PREX1: variants seen among roughly 807,000 people sequenced by gnomAD.
PREX1 encodes the protein phosphatidylinositol-3,4,5-trisphosphate dependent Rac exchange factor 1.
A neutral mutation model predicts 198.3 loss-of-function variants in PREX1; 41 were observed. The ratio of observed to expected loss-of-function variants is 0.21; its 90% confidence interval spans 0.16 to 0.27. PREX1 has a LOEUF of 0.27. PREX1 is among the 10% of genes least tolerant of loss of function. The probability of loss-of-function intolerance (pLI) is 1.00; values close to 1 mark genes in which losing one functional copy is unlikely to be tolerated. For synonymous variants in PREX1, 843 were observed against 887.2 expected (o/e 0.95, Z 0.89); for missense variants, 1,620 against 2,200.7 (o/e 0.74, Z 5.28).
At chr20:48,876,768 A>G in the PREX1 span, among the ~76,000 whole-genome samples, 2 of 152,162 alleles carry the variant, frequency 1.3e-5, no homozygotes, top group East Asian at 1.9e-4. Flanking sequence ...AAGAGGCACA[A>G]TATTTACCAT....
Position 48,691,134 on chromosome 20 carries a change from A to G in PREX1, c.1037-38T>C. 6.2e-7 allele frequency: 1 copy of G among 1,613,626 alleles called. No individual in the cohort carries two copies. The highest frequency in any genetic ancestry group is 1.3e-5 in the African/African-American group (1 of 75,042). ...GGAGGCAAAGGTGCAGCAGAGACTC[A>G]GCCGCGTGACCTTCAACACTCCCCA... is the stretch of plus-strand genomic sequence containing the variant. On this transcript the variant is annotated intron_variant, in intron 8 of 39. Coordinates refer to ENST00000371941, the MANE Select transcript of PREX1 (RefSeq NM_020820.4). This position sits in a 1 kb window ranked among gnomAD's most constrained non-coding sequence, Gnocchi z 5.0.
chr20:48,736,889 A>G (rs556071796), intron 3 of PREX1, among the ~76,000 whole-genome samples: 8 of 152,278 alleles, frequency 5.3e-5, no homozygotes, highest in Admixed American at 2.6e-4. Flanking sequence ...GCCAAGGAGA[A>G]GTTCTGCAGC....
intron 19 of PREX1, among the ~76,000 whole-genome samples, chr20:48,654,261 A>G (rs1408552617): frequency 6.6e-6 from 1 of 152,266 alleles, no homozygotes; most frequent in African/African-American, 2.4e-5. Flanking sequence ...AGCATTTAGC[A>G]TCGTGCCTGG....
intron 1 of PREX1, among the ~76,000 whole-genome samples, chr20:48,811,919 A>ACC (rs1315100153): frequency 3.3e-5 from 5 of 152,200 alleles, no homozygotes; most frequent in African/African-American, 1.2e-4. Flanking sequence ...GAGTCAGAAA[A>ACC]CCTGGGTTTC....
At chr20:48,732,311 C>T (rs1015433199) in intron 4 of PREX1, among the ~76,000 whole-genome samples, 1 of 151,838 alleles carries the variant, frequency 6.6e-6, no homozygotes, top group African/African-American at 2.4e-5. Context: ...GTGAAGGAAA[C>T]ACACATTTGG....
chr20:48,762,907 T>C (rs912403891), intron 1 of PREX1, among the ~76,000 whole-genome samples: 9 of 152,196 alleles, frequency 5.9e-5, no homozygotes, highest in African/African-American at 2.2e-4. Context: ...TTCACTATGT[T>C]GGCCATGCTG....
intron 1 of PREX1, among the ~76,000 whole-genome samples, chr20:48,808,842 C>T (rs1316307088): frequency 6.6e-6 from 1 of 152,200 alleles, no homozygotes; most frequent in African/African-American, 2.4e-5. Context: ...CTTGCTGTTT[C>T]CCATGCTTGG....
At chr20:48,719,555 TC>T (rs1191129598) in intron 5 of PREX1, among the ~76,000 whole-genome samples, 1 of 151,952 alleles carries the variant, frequency 6.6e-6, no homozygotes, top group African/African-American at 2.4e-5. Flanking sequence ...CAATGCCCGA[TC>T]CCCAGCAGAT....
chr20:48,679,294 C>A, intron 13 of PREX1, 66 bp downstream of exon 13: 1 of 1,462,210 alleles, frequency 6.8e-7, no homozygotes, highest in South Asian at 1.2e-5. Flanking sequence ...GGTTAAGTTG[C>A]CAGCCCAAGG....
chr20:48,632,857 C>T (rs970925713), intron 33 of PREX1, among the ~76,000 whole-genome samples: 6 of 152,182 alleles, frequency 3.9e-5, no homozygotes, highest in Non-Finnish European at 1.5e-5. Context: ...TCTCACTCTC[C>T]GAAGAACTGC....
chr20:48,827,670 T>A lies in PREX1; in HGVS notation c.191A>T (p.Tyr64Phe). 2 of 1,362,394 alleles carry A rather than the reference T, an allele frequency of 1.5e-6. No individual in the cohort carries two copies. The highest frequency in any genetic ancestry group is 1.9e-6 in the Non-Finnish European group (2 of 1,045,612). The allele number at this position is 1,362,394 out of a possible 1,614,324, so 84.4% of individuals were successfully genotyped here. ...CTGCAAGAAGCGCAAGGTGCCCACG[T>A]AGTCCCTCTCGGTGCCCAAGATCTC... Reference protein sequence around the residue: ...LNEILGTERDYVGTLRFLQSA... With the variant: ...LNEILGTERDFVGTLRFLQSA... The change falls in exon 1 of 40, where the codon TAC becomes TTC. Residue 64 changes from tyrosine (Y) to phenylalanine (F), a missense_variant. Around this residue, in one of 7 missense-constraint regions of PREX1, gnomAD observed 96 missense variants for 98.7 expected, o/e 0.97. Transcript: ENST00000371941. This position sits in a 1 kb window ranked among gnomAD's most constrained non-coding sequence, Gnocchi z 4.1.
chr20:48,751,515 T>C (rs1396658863), intron 1 of PREX1, among the ~76,000 whole-genome samples: 1 of 152,154 alleles, frequency 6.6e-6, no homozygotes, highest in Non-Finnish European at 1.5e-5. Context: ...CCGGAAAGAA[T>C]GGGCAGCAGA....
chr20:48,831,117 G>A (rs1438478824), upstream of PREX1, among the ~76,000 whole-genome samples: 1 of 152,032 alleles, frequency 6.6e-6, no homozygotes, highest in Non-Finnish European at 1.5e-5. Flanking sequence ...GGGCCTCAGA[G>A]GCACAAAATG....
intron 13 of PREX1, 102 bp from the exon 14 acceptor site, chr20:48,676,370 T>A: frequency 9.3e-7 from 1 of 1,079,848 alleles, no homozygotes; most frequent in Non-Finnish European, 1.4e-6. Context: ...GTCAAGGATC[T>A]CCAGGCTCTC....
At chr20:48,815,963 T>C (rs1270703157) in intron 1 of PREX1, among the ~76,000 whole-genome samples, 2 of 150,082 alleles carry the variant, frequency 1.3e-5, no homozygotes, top group East Asian at 2.0e-4. Flanking sequence ...TGAGCCGAGA[T>C]TGCACCATTG....
At chr20:48,829,831 G>A (rs1184234076), upstream of PREX1, among the ~76,000 whole-genome samples, 1 of 152,176 alleles carries the variant, frequency 6.6e-6, no homozygotes, top group African/African-American at 2.4e-5. Context: ...CCAACTGGCA[G>A]GGTAACCTTG....
chr20:48,827,892 C>CCCCGCGCGGAG lies in PREX1; in HGVS notation c.-33_-32insCTCCGCGCGGG, dbSNP rs544666696. 5,795 of 940,890 alleles carry CCCCGCGCGGAG rather than the reference C, an allele frequency of 6.2e-3. 263 individuals are homozygous for CCCCGCGCGGAG. In the African/African-American group the frequency reaches 0.097, roughly 16 times the overall value. The allele number at this position is 940,890 out of a possible 1,614,324, so 58.3% of individuals were successfully genotyped here. A position where few individuals can be genotyped will look rare whatever the true frequency, so the allele number is the denominator to read the frequency against. ...GCGGCCGCGCGGCGCCGGCTCCTTC[C>CCCCGCGCGGAG]GTCGCGCCGAGCGGCAACTCAGGCG... On this transcript the variant is annotated 5_prime_UTR_variant, in exon 1 of 40. Transcript: ENST00000371941. This position sits in a 1 kb window ranked among gnomAD's most constrained non-coding sequence, Gnocchi z 4.1.
chr20:48,858,973 G>A, the PREX1 span, among the ~76,000 whole-genome samples: 1 of 152,040 alleles, frequency 6.6e-6, no homozygotes, highest in Non-Finnish European at 1.5e-5. Flanking sequence ...ATAGCTCACT[G>A]CAACCTCCAA....
At chr20:48,749,971 C>T (rs2090127074) in intron 1 of PREX1, among the ~76,000 whole-genome samples, 1 of 152,088 alleles carries the variant, frequency 6.6e-6, no homozygotes, top group Non-Finnish European at 1.5e-5. Context: ...CCCCCAGACT[C>T]TTATCTCCAG....
Sources: allele counts gnomAD v4.1 joint callset (sites outside exome capture counted in the v4.1 genomes callset), GRCh38; gene constraint gnomAD v4.1.1; regional missense constraint gnomAD v4.1.1; non-coding constraint Gnocchi (gnomAD v3.1); transcripts MANE v1.5; gene names NCBI Gene and HGNC (gene_info 2026-07-23, HGNC 2026-07-21).